Variants in NRCAM observed in about 807,000 individuals in gnomAD.
NRCAM encodes neuronal cell adhesion molecule.
A neutral mutation model predicts 156.5 loss-of-function variants in NRCAM; 83 were observed. The ratio of observed to expected loss-of-function variants is 0.53; its 90% CI spans 0.44 to 0.64. The LOEUF is 0.64. Among genes scored for constraint, NRCAM ranks in the 30% least tolerant of loss-of-function variants. The probability of loss-of-function intolerance (pLI) is 0.00; values close to 1 mark genes in which losing one functional copy is unlikely to be tolerated. For missense variants in NRCAM, 1,417 were observed against 1,597.3 expected (o/e 0.89, Z 1.92); for synonymous variants, 538 against 563.9 (o/e 0.95, Z 0.65).
At chr7:108,159,187 A>G in intron 32 of NRCAM, 1 of 598,640 alleles carries the variant, frequency 1.7e-6, no homozygotes, top group Non-Finnish European at 3.1e-6. Context: ...TGGCTTTGCT[A>G]GATTGATCAA....
chr7:108,288,511 C>T (rs747093932), intron 3 of NRCAM, among the ~76,000 whole-genome samples: 9 of 151,980 alleles, frequency 5.9e-5, no homozygotes, highest in Non-Finnish European at 1.2e-4. Context: ...TCTTTATATG[C>T]CAATTAGTTT....
intron 3 of NRCAM, among the ~76,000 whole-genome samples, chr7:108,293,748 A>ATAT (rs922481202): frequency 2.6e-5 from 4 of 152,164 alleles, no homozygotes; most frequent in Non-Finnish European, 5.9e-5. Flanking sequence ...ACTCTGCAAG[A>ATAT]TATTATTATT....
intron 1 of NRCAM, among the ~76,000 whole-genome samples, chr7:108,404,966 G>A (rs2099803197): frequency 1.3e-5 from 2 of 152,178 alleles, no homozygotes; most frequent in Non-Finnish European, 2.9e-5. Flanking sequence ...AGAAAAAGAT[G>A]GCAATTCCAA....
rs1434120167 is a variant in NRCAM, at chr7:108,223,772, C to G, written c.843G>C (p.Glu281Asp). 2 of 1,611,306 alleles carry G rather than the reference C, an allele frequency of 1.2e-6. No individual in the cohort carries two copies. Among genetic ancestry groups the G allele is most frequent in the Non-Finnish European group, 1.7e-6 (2 of 1,177,852 alleles). ...GTGAAAGCACATTTCCTCTTAATTC[C>G]TCTTTGTTACTTGCATTGCCTTCTG... ...LTPEGNASNK[E>D]ELRGNVLSLE... The change falls in exon 11 of 33, where the codon GAG becomes GAC. Residue 281 changes from glutamate to aspartate, a missense_variant. Physicochemically the swap from Glu to Asp is conservative, Grantham distance 45. Coordinates refer to ENST00000379028, the MANE Select transcript of NRCAM (RefSeq NM_001037132.4).
intron 2 of NRCAM, among the ~76,000 whole-genome samples, chr7:108,372,996 C>T (rs1395135816): frequency 6.6e-6 from 1 of 151,930 alleles, no homozygotes; most frequent in South Asian, 2.1e-4. Context: ...ATATACATAC[C>T]GTGGAATACT....
chr7:108,197,557 C>T (rs1443819919), intron 14 of NRCAM, among the ~76,000 whole-genome samples: 3 of 152,082 alleles, frequency 2.0e-5, no homozygotes, highest in Admixed American at 6.6e-5. Context: ...TGGATAAAGG[C>T]CAAGCATTAT....
At chr7:108,374,568 G>C (rs559795346) in intron 2 of NRCAM, among the ~76,000 whole-genome samples, 1 of 152,234 alleles carries the variant, frequency 6.6e-6, no homozygotes, top group East Asian at 1.9e-4. Context: ...TCTCAAATTA[G>C]TGTAAGAAAT....
intron 32 of NRCAM, chr7:108,159,235 G>A (rs1191611953): frequency 1.4e-6 from 1 of 691,726 alleles, no homozygotes; most frequent in Non-Finnish European, 2.7e-6. Flanking sequence ...CAAAGTGGGA[G>A]ACATTCCATC....
At chr7:108,191,226 C>G (rs1192322250) in intron 19 of NRCAM, 28 bp downstream of exon 19, 1 of 1,579,968 alleles carries the variant, frequency 6.3e-7, no homozygotes, top group Admixed American at 1.8e-5. Context: ...TGACAGAAAA[C>G]AGAGAAAGAA....
intron 3 of NRCAM, among the ~76,000 whole-genome samples, chr7:108,241,351 T>C (rs937531312): frequency 1.3e-5 from 2 of 152,114 alleles, no homozygotes; most frequent in Non-Finnish European, 2.9e-5. Flanking sequence ...TAATAGAAGA[T>C]TGATATCCAT....
At chr7:108,288,570 C>A (rs578097769) in intron 3 of NRCAM, among the ~76,000 whole-genome samples, 1 of 152,074 alleles carries the variant, frequency 6.6e-6, no homozygotes, top group Admixed American at 6.6e-5. Context: ...TCAATTCATA[C>A]GTTATTGCAT....
chr7:108,317,920 A>AAAAAG (rs1554503831), intron 2 of NRCAM, among the ~76,000 whole-genome samples: 1 of 151,596 alleles, frequency 6.6e-6, no homozygotes, highest in Non-Finnish European at 1.5e-5. Context: ...GAAAAAAAAA[A>AAAAAG]AAAGAAAGAA....
intron 1 of NRCAM, among the ~76,000 whole-genome samples, chr7:108,442,839 C>T (rs1383326442): frequency 6.6e-6 from 1 of 152,182 alleles, no homozygotes; most frequent in East Asian, 1.9e-4. Context: ...TGTCTAGGGC[C>T]TTAAACATGT....
intron 1 of NRCAM, among the ~76,000 whole-genome samples, chr7:108,404,017 AC>A (rs1469853903): frequency 6.6e-6 from 1 of 151,876 alleles, no homozygotes; most frequent in Admixed American, 6.6e-5. Context: ...TTCTGACTCC[AC>A]CATTATAGTC....
intron 2 of NRCAM, among the ~76,000 whole-genome samples, chr7:108,349,966 C>T (rs1455912631): frequency 6.6e-6 from 1 of 152,202 alleles, no homozygotes. Flanking sequence ...TGATCAAAGG[C>T]ATTCCCTACC....
intron 24 of NRCAM, among the ~76,000 whole-genome samples, chr7:108,181,068 GA>G (rs1445797316): frequency 1.3e-5 from 2 of 152,112 alleles, no homozygotes; most frequent in African/African-American, 4.8e-5. Context: ...AGATGGATAA[GA>G]AAGTACTGAT....
chr7:108,252,623 C>G (rs2096415948), intron 3 of NRCAM, among the ~76,000 whole-genome samples: 1 of 150,380 alleles, frequency 6.6e-6, no homozygotes, highest in Non-Finnish European at 1.5e-5. Context: ...TGATTTTTAT[C>G]AAAGTTGGTT....
At chr7:108,267,572 C>G (rs573906817) in intron 3 of NRCAM, among the ~76,000 whole-genome samples, 41 of 152,214 alleles carry the variant, frequency 2.7e-4, no homozygotes, top group Non-Finnish European at 5.7e-4. Context: ...AAAAAGCCCA[C>G]TTAAAATTTC....
chr7:108,261,354 A>G (rs2096881642), intron 3 of NRCAM, among the ~76,000 whole-genome samples: 1 of 152,216 alleles, frequency 6.6e-6, no homozygotes, highest in Non-Finnish European at 1.5e-5. Context: ...CGCCTAAGTT[A>G]GGTCTGTTGT....
Sources: allele counts gnomAD v4.1 joint callset (sites outside exome capture counted in the v4.1 genomes callset), GRCh38; gene constraint gnomAD v4.1.1; transcripts MANE v1.5; gene names NCBI Gene and HGNC (gene_info 2026-07-23, HGNC 2026-07-21).